SBSPON: variants seen among roughly 807,000 people sequenced by gnomAD.
The protein encoded by SBSPON is somatomedin B and thrombospondin type 1 domain containing.
Under a neutral mutation model 35.8 loss-of-function variants are expected in SBSPON, and 30 were observed. The ratio of observed to expected loss-of-function variants is 0.84; its 90% CI spans 0.63 to 1.14. The LOEUF (loss-of-function observed/expected upper bound fraction) is 1.14. SBSPON is among the 50% of genes most tolerant of loss of function. The pLI is 0.00. For missense variants in SBSPON, 364 were observed against 357.7 expected (o/e 1.02, Z -0.14); for synonymous variants, 136 against 135.9 (o/e 1.00, Z 0.00).
chr8:73,087,630 G>C (rs1306565136), intron 1 of SBSPON, among the ~76,000 whole-genome samples: 2 of 151,824 alleles, frequency 1.3e-5, no homozygotes, highest in East Asian at 3.9e-4. Context: ...CTTTGGGTGA[G>C]TTTGGAGCCC....
chr8:73,074,554 A>G (rs1810555140), intron 2 of SBSPON: 3 of 983,148 alleles, frequency 3.1e-6, no homozygotes, highest in African/African-American at 1.7e-5. Context: ...CGTCTCCGAA[A>G]TCAAACTCCT....
At chr8:73,075,487 GC>G (rs1237551373) in intron 2 of SBSPON, among the ~76,000 whole-genome samples, 1 of 152,142 alleles carries the variant, frequency 6.6e-6, no homozygotes, top group Admixed American at 6.5e-5. Flanking sequence ...TGGGACAAAG[GC>G]CCCCAATAAA....
At chr8:73,086,506 G>A (rs1295055375) in intron 1 of SBSPON, among the ~76,000 whole-genome samples, 2 of 152,132 alleles carry the variant, frequency 1.3e-5, no homozygotes, top group South Asian at 2.1e-4. Context: ...TCTTTCCGTA[G>A]AACCTTGTCA....
chr8:73,082,649 G>T (rs1462417942), intron 1 of SBSPON, among the ~76,000 whole-genome samples: 1 of 152,152 alleles, frequency 6.6e-6, no homozygotes, highest in Non-Finnish European at 1.5e-5. Context: ...CCCAATATCT[G>T]CCATGTATAC....
intron 1 of SBSPON, among the ~76,000 whole-genome samples, chr8:73,091,229 T>G (rs1810926636): frequency 6.6e-6 from 1 of 152,240 alleles, no homozygotes; most frequent in African/African-American, 2.4e-5. Context: ...AGCAGGCCTC[T>G]TCCTCATTCT....
intron 1 of SBSPON, among the ~76,000 whole-genome samples, chr8:73,081,514 A>G (rs1219451169): frequency 6.6e-6 from 1 of 152,052 alleles, no homozygotes; most frequent in African/African-American, 2.4e-5. Flanking sequence ...TTTCAGGGGA[A>G]TTTCTCATAC....
chr8:73,075,202 G>A (rs1016053192), intron 2 of SBSPON, among the ~76,000 whole-genome samples: 4 of 152,114 alleles, frequency 2.6e-5, no homozygotes, highest in African/African-American at 9.7e-5. Context: ...TTTCTATCAA[G>A]CTCAGTTTCA....
chr8:73,070,084 T>A lies in SBSPON; in HGVS notation c.501-103A>T, dbSNP rs1402277660. 4 of 648,896 alleles carry A rather than the reference T, an allele frequency of 6.2e-6. No homozygotes were observed. In the Admixed American group the frequency reaches 1.2e-4, roughly 20 times the overall value. The allele number at this position is 648,896 out of a possible 1,614,324, so 40.2% of individuals were successfully genotyped here. Reference sequence around the variant, plus strand: ...TCACCTCCAAGGGCATTTGGCCGACTGGAGCAGGTAGTGAGTACATCTTCA... The same window carrying A: ...TCACCTCCAAGGGCATTTGGCCGACAGGAGCAGGTAGTGAGTACATCTTCA... On this transcript the variant is annotated intron_variant, in intron 3 of 4. Coordinates refer to ENST00000297354, the MANE Select transcript of SBSPON (RefSeq NM_153225.4).
intron 1 of SBSPON, among the ~76,000 whole-genome samples, chr8:73,088,511 C>T (rs558226923): frequency 3.3e-5 from 5 of 152,158 alleles, no homozygotes; most frequent in East Asian, 3.9e-4. Flanking sequence ...GGGGAAACTT[C>T]GTCTCCACAA....
Position 73,068,844 on chromosome 8 carries a change from A to G in SBSPON, c.677+961T>C, listed in dbSNP as rs73687076. On this transcript the variant is annotated intron_variant, in intron 4 of 4. Coordinates refer to ENST00000297354, the MANE Select transcript of SBSPON (RefSeq NM_153225.4). The stretch of plus-strand genomic sequence containing the variant: ...TTCTTTGTGTCTGGACTGTGAGTTA[A>G]GAATAATTTTTATGTTTTAAAGTGT... Among the ~76,000 whole-genome samples, 825 of 152,352 alleles carry G rather than the reference A, an allele frequency of 5.4e-3. 5 individuals are homozygous for G. Among genetic ancestry groups the G allele is most frequent in the African/African-American group, 0.019 (786 of 41,588 alleles).
chr8:73,083,227 A>T (rs577776307), intron 1 of SBSPON, among the ~76,000 whole-genome samples: 1 of 152,340 alleles, frequency 6.6e-6, no homozygotes, highest in African/African-American at 2.4e-5. Context: ...TTAGCAAAAC[A>T]CTATATCCTG....
At chr8:73,081,703 G>A (rs1810708898) in intron 1 of SBSPON, among the ~76,000 whole-genome samples, 1 of 151,980 alleles carries the variant, frequency 6.6e-6, no homozygotes, top group Admixed American at 6.6e-5. Context: ...CACCTACTCA[G>A]GTCAATTCTT....
intron 2 of SBSPON, among the ~76,000 whole-genome samples, chr8:73,078,369 G>T (rs901031333): frequency 3.3e-5 from 5 of 152,130 alleles, no homozygotes; most frequent in Non-Finnish European, 7.3e-5. Context: ...AATGCCAGCC[G>T]CCCTACCTCG....
chr8:73,074,163 C>T (rs1810548649), intron 2 of SBSPON, among the ~76,000 whole-genome samples: 1 of 152,118 alleles, frequency 6.6e-6, no homozygotes, highest in Admixed American at 6.5e-5. Flanking sequence ...CACAAGTCCA[C>T]CTGTAATTTT....
At position 73,081,207 on chromosome 8, in the gene SBSPON, G is replaced by C. The variant is rs767411267; in HGVS notation, c.221C>G (p.Pro74Arg). ...GGGGCTCCATTCCCCCACGAAGCACGGGCGAGCTGAAAAACAGCACAATAG... is the reference window on the plus strand; with the variant it reads ...GGGGCTCCATTCCCCCACGAAGCACCGGCGAGCTGAAAAACAGCACAATAG... ...FDYDRACPAR[P>R]CFVGEWSPWS... The change falls in exon 2 of 5, where the codon CCG (proline) becomes CGG (arginine). Residue 74 changes from proline (P) to arginine (R), a missense_variant. Physicochemically the swap from Pro to Arg is moderately radical, Grantham distance 103. Transcript: ENST00000297354. The C allele has an allele frequency of 1.3e-6, 2 of 1,579,290 alleles. No individual in the cohort carries two copies. The highest frequency in any genetic ancestry group is 1.8e-5 in the Admixed American group (1 of 55,414).
At position 73,081,186 on chromosome 8, in the gene SBSPON, C is replaced by T; in HGVS notation, c.242G>A (p.Ser81Asn). The T allele has an allele frequency of 1.3e-6, 2 of 1,593,332 alleles. No individual in the cohort carries two copies. The highest frequency in any genetic ancestry group is 2.3e-5 in the East Asian group (1 of 43,850). The change falls in exon 2 of 5, where the codon AGC becomes AAC. Residue 81 changes from serine (S) to asparagine (N), a missense_variant. Physicochemically the swap from Ser to Asn is conservative, Grantham distance 46 (BLOSUM62 1). Transcript: ENST00000297354. ...CTGGTCTGCACAACCACTCCAGGGG[C>T]TCCATTCCCCCACGAAGCACGGGCG... ...PARPCFVGEW[S>N]PWSGCADQCK...
In SBSPON at chr8:73,071,767, A is replaced by C. The variant is rs75924728; in HGVS notation, c.500+13T>G. ...AAAAACATGATTAAAAAAAAAAAAA[A>C]ACACGAAATTACCCAGCATCCTCTG... is the stretch of plus-strand genomic sequence containing the variant. On this transcript the variant is annotated intron_variant, in intron 3 of 4. Transcript: ENST00000297354. 15 of 1,470,182 alleles carry C rather than the reference A, an allele frequency of 1.0e-5. No individual in the cohort carries two copies. Among genetic ancestry groups the C allele is most frequent in the Non-Finnish European group, 1.3e-5 (14 of 1,062,228 alleles). The allele number at this position is 1,470,182 out of a possible 1,614,324, so 91.1% of individuals were successfully genotyped here. A position where few individuals can be genotyped will look rare whatever the true frequency, so the allele number is the denominator to read the frequency against.
intron 1 of SBSPON, among the ~76,000 whole-genome samples, chr8:73,089,750 A>T (rs896043932): frequency 2.6e-5 from 4 of 152,216 alleles, no homozygotes; most frequent in Non-Finnish European, 5.9e-5. Flanking sequence ...ACCAGTGCTA[A>T]GAGCCAACCA....
chr8:73,081,591 A>G (rs1810706452), intron 1 of SBSPON, among the ~76,000 whole-genome samples: 1 of 152,128 alleles, frequency 6.6e-6, no homozygotes, highest in East Asian at 1.9e-4. Flanking sequence ...GCCCCTGCCC[A>G]TAACATTTTT....
Sources: allele counts gnomAD v4.1 joint callset (sites outside exome capture counted in the v4.1 genomes callset), GRCh38; gene constraint gnomAD v4.1.1; transcripts MANE v1.5; gene names NCBI Gene and HGNC (gene_info 2026-07-23, HGNC 2026-07-21).